Variants in SUSD6 observed in about 807,000 individuals in gnomAD.
SUSD6 encodes sushi domain containing 6.
In SUSD6, 16 loss-of-function variants were observed where a neutral mutation model predicts 28.4. The ratio of observed to expected loss-of-function variants is 0.56; its 90% CI spans 0.38 to 0.86. The LOEUF (loss-of-function observed/expected upper bound fraction) is 0.86, where lower values mean the gene tolerates loss of function less well. Among genes scored for constraint, SUSD6 ranks in the 40% least tolerant of loss-of-function variants. The pLI is 0.00. For missense variants in SUSD6, 341 were observed against 384.2 expected (o/e 0.89, Z 0.94); for synonymous variants, 147 against 159.6 (o/e 0.92, Z 0.59).
chr14:69,643,404 A>G (rs1456366820), intron 1 of SUSD6, among the ~76,000 whole-genome samples: 1 of 152,228 alleles, frequency 6.6e-6, no homozygotes, highest in Non-Finnish European at 1.5e-5. Context: ...GTCCAAAAGA[A>G]TAGTATAGCC....
At chr14:69,675,391 C>G (rs144171367) in intron 2 of SUSD6, among the ~76,000 whole-genome samples, 1 of 152,306 alleles carries the variant, frequency 6.6e-6, no homozygotes, top group Non-Finnish European at 1.5e-5. Flanking sequence ...TGAGTGTGTT[C>G]CCAGCACCTC....
rs111448151 is a variant in SUSD6, at chr14:69,665,303, C to T, written c.121+6590C>T. 9.8e-3 allele frequency among the ~76,000 whole-genome samples: 1,495 copies of T among 152,242 alleles called. 10 individuals carry two copies. Among genetic ancestry groups the T allele is most frequent in the African/African-American group, 0.017 (723 of 41,546 alleles). On this transcript the variant is annotated intron_variant, in intron 2 of 5. Coordinates refer to ENST00000342745, the MANE Select transcript of SUSD6 (RefSeq NM_014734.4). The stretch of plus-strand genomic sequence containing the variant: ...TTGCCCAGGTTGGAGTGCAGTGGCT[C>T]TGTCACAGCTCACCGCAACTTCTGC...
chr14:69,665,459 C>A (rs1307938810), intron 2 of SUSD6, among the ~76,000 whole-genome samples: 1 of 152,152 alleles, frequency 6.6e-6, no homozygotes, highest in African/African-American at 2.4e-5. Context: ...GCTGGGTTTG[C>A]CCAGGCTGGT....
At chr14:69,617,951 A>C (rs1220086257) in intron 1 of SUSD6, among the ~76,000 whole-genome samples, 1 of 152,232 alleles carries the variant, frequency 6.6e-6, no homozygotes, top group Non-Finnish European at 1.5e-5. Context: ...GGTGGACCTC[A>C]GGTGTAACCC....
rs148240897 is a variant in SUSD6, at chr14:69,644,662, A to C, written c.-80-13851A>C. ...GTCTCAAAAAAAAAAAAAATTAATT[A>C]TTTCTCAGGACGTGTCCTCATCTGA... On this transcript the variant is annotated intron_variant, in intron 1 of 5. Transcript: ENST00000342745. 1.5e-3 allele frequency among the ~76,000 whole-genome samples: 224 copies of C among 152,050 alleles called. 1 individual carries two copies. Among genetic ancestry groups the C allele is most frequent in the African/African-American group, 5.2e-3 (215 of 41,476 alleles).
intron 1 of SUSD6, among the ~76,000 whole-genome samples, chr14:69,623,720 A>T (rs1267586167): frequency 6.6e-6 from 1 of 152,188 alleles, no homozygotes; most frequent in Non-Finnish European, 1.5e-5. Flanking sequence ...AGTGATATAG[A>T]TGATCCTTAC....
At chr14:69,657,190 T>C (rs1885595958) in intron 1 of SUSD6, among the ~76,000 whole-genome samples, 1 of 152,202 alleles carries the variant, frequency 6.6e-6, no homozygotes, top group Admixed American at 6.5e-5. Flanking sequence ...GTGCAGTGGT[T>C]CACGCCTGTA....
In SUSD6 at chr14:69,714,191, T is replaced by G. The variant is rs1187477433; in HGVS notation, c.*3212T>G. 1 of 152,044 alleles carries G rather than the reference T, an allele frequency of 6.6e-6. No homozygotes were observed. Among genetic ancestry groups the G allele is most frequent in the Non-Finnish European group, 1.5e-5 (1 of 68,008 alleles). The allele number at this position is 152,044 out of a possible 1,614,324, so 9.4% of individuals were successfully genotyped here. A position where few individuals can be genotyped will look rare whatever the true frequency, so the allele number is the denominator to read the frequency against. On this transcript the variant is annotated 3_prime_UTR_variant, in exon 6 of 6. Transcript: ENST00000342745. ...ATTTTCTTTCCCATTCATCTTGCCCTCCCCCTCCTCCCGCCAGCTTTAAAG... is the reference window on the plus strand; with the variant it reads ...ATTTTCTTTCCCATTCATCTTGCCCGCCCCCTCCTCCCGCCAGCTTTAAAG...
At chr14:69,698,242 C>T (rs1026986075) in intron 2 of SUSD6, among the ~76,000 whole-genome samples, 8 of 152,160 alleles carry the variant, frequency 5.3e-5, no homozygotes, top group Non-Finnish European at 1.0e-4. Flanking sequence ...GCAGGAGAAT[C>T]GCTTGAACCC....
chr14:69,642,331 C>T (rs1885364083), intron 1 of SUSD6, among the ~76,000 whole-genome samples: 1 of 152,148 alleles, frequency 6.6e-6, no homozygotes, highest in South Asian at 2.1e-4. Flanking sequence ...AGATTCCATC[C>T]AGTGCCCTGT....
intron 1 of SUSD6, 70 bp from the exon 2 acceptor site, chr14:69,658,443 A>G: frequency 2.8e-6 from 2 of 720,652 alleles, no homozygotes; most frequent in Non-Finnish European, 4.5e-6. Flanking sequence ...TGGCTTCCTT[A>G]CCAAAGTGGC....
In SUSD6 at chr14:69,703,554, G is replaced by A; in HGVS notation, c.281G>A (p.Trp94Ter). Residue 94 changes from tryptophan to a stop codon, truncating the protein, a stop_gained, in exon 3 of 6, where the codon TGG becomes TAG. Coordinates refer to ENST00000342745, the MANE Select transcript of SUSD6 (RefSeq NM_014734.4). LOFTEE classifies it high-confidence loss of function. ...YKYLTCKNGE[W>*]KPAMEISCRL... ...TACCTGACGTGTAAGAATGGCGAGT[G>A]GAAACCAGCCATGGAGATTAGCTGC... is the stretch of plus-strand genomic sequence containing the variant. The A allele has an allele frequency of 6.2e-7, 1 of 1,614,214 alleles. No homozygotes were observed. The highest frequency in any genetic ancestry group is 8.5e-7 in the Non-Finnish European group (1 of 1,180,024).
chr14:69,708,788 AC>A lies in SUSD6; in HGVS notation c.572del (p.Pro191LeufsTer60). 1.2e-6 allele frequency: 2 copies of A among 1,614,148 alleles called. No individual in the cohort carries two copies. The highest frequency in any genetic ancestry group is 1.7e-6 in the Non-Finnish European group (2 of 1,180,016). ...ATGGCAGTTCTGGTCACTGTGTGCC[AC>A]CTGCTGACCCCAGAGTACAGATTGT... ...VYGSSGHCVPPADPRVQIVLS... is the reference protein window; with the variant it reads ...VYGSSGHCVPXADPRVQIVLS... On this transcript the variant is annotated frameshift_variant, in exon 5 of 6. Coordinates refer to ENST00000342745, the MANE Select transcript of SUSD6 (RefSeq NM_014734.4). LOFTEE classifies it high-confidence loss of function.
chr14:69,651,936 T>C (rs142589240), intron 1 of SUSD6, among the ~76,000 whole-genome samples: 21 of 152,330 alleles, frequency 1.4e-4, no homozygotes, highest in Admixed American at 3.9e-4. Context: ...CAACCTGAAA[T>C]GTAATTAGCG....
intron 2 of SUSD6, among the ~76,000 whole-genome samples, chr14:69,663,318 C>A (rs1885690152): frequency 6.6e-6 from 1 of 152,218 alleles, no homozygotes; most frequent in Admixed American, 6.5e-5. Context: ...TGTTAAACAT[C>A]ACACAATCAC....
At chr14:69,637,297 C>T (rs568048099) in intron 1 of SUSD6, among the ~76,000 whole-genome samples, 1 of 152,284 alleles carries the variant, frequency 6.6e-6, no homozygotes, top group South Asian at 2.1e-4. Context: ...TCAGTACTTA[C>T]CGCACCATAT....
At chr14:69,619,533 G>A (rs1363665407) in intron 1 of SUSD6, among the ~76,000 whole-genome samples, 1 of 151,880 alleles carries the variant, frequency 6.6e-6, no homozygotes, top group Admixed American at 6.6e-5. Context: ...GGCTGAGGTG[G>A]GACAATTGCT....
intron 2 of SUSD6, among the ~76,000 whole-genome samples, chr14:69,681,826 C>A (rs1886000962): frequency 6.6e-6 from 1 of 152,108 alleles, no homozygotes; most frequent in South Asian, 2.1e-4. Context: ...GGTATGAATT[C>A]TCAAGTTCAT....
intron 2 of SUSD6, among the ~76,000 whole-genome samples, chr14:69,664,630 T>C (rs1885711991): frequency 6.6e-6 from 1 of 152,186 alleles, no homozygotes; most frequent in African/African-American, 2.4e-5. Flanking sequence ...TGTTGTGCCA[T>C]GTTTAAAACA....
Sources: gnomAD v4.1 joint callset for allele counts (sites outside exome capture counted in the v4.1 genomes callset) on GRCh38, gnomAD v4.1.1 for gene constraint, MANE v1.5 for transcripts, NCBI Gene and HGNC (gene_info 2026-07-23, HGNC 2026-07-21) for gene names.